The following CUX1 variants were observed in gnomAD, a reference collection of about 807,000 sequenced individuals.
CUX1 encodes cut like homeobox 1, also known as protein CASP.
CUX1 carries 31 observed loss-of-function variants against 158.8 expected under a neutral mutation model. The observed-to-expected ratio is 0.20, with a 90% CI of 0.15 to 0.26. The LOEUF is 0.26. Ranked by LOEUF, CUX1 falls within the 10% of genes least tolerant of loss-of-function variation. CUX1 has a pLI of 1.00. For missense variants in CUX1, 1,589 were observed against 2,014.6 expected, an observed-to-expected ratio of 0.79 and a Z score of 4.04; for synonymous variants, 879 against 862.1, an observed-to-expected ratio of 1.02 and a Z score of -0.34.
At chr7:102,219,404 C>G (rs1466635358) in intron 20 of CUX1, among the ~76,000 whole-genome samples, 1 of 152,080 alleles carries the variant, frequency 6.6e-6, no homozygotes, top group Non-Finnish European at 1.5e-5. Flanking sequence ...CCTACAGAAT[C>G]TTTCTCAGGT....
intron 8 of CUX1, among the ~76,000 whole-genome samples, chr7:102,128,427 G>A (rs907386664): frequency 6.6e-6 from 1 of 151,550 alleles, no homozygotes; most frequent in African/African-American, 2.4e-5. Context: ...GGAGGAGCTG[G>A]CCCTTTTGTC....
chr7:101,866,226 C>A (rs1157342974), intron 1 of CUX1, among the ~76,000 whole-genome samples: 1 of 152,038 alleles, frequency 6.6e-6, no homozygotes, highest in Non-Finnish European at 1.5e-5. Context: ...CTTTGGGAGG[C>A]TGAGGTGGGT....
rs367868651 is a variant in CUX1 at position 101,856,263 on chromosome 7, A to G, written c.30+38594A>G. On this transcript the variant is annotated intron_variant, in intron 1 of 23. Coordinates refer to ENST00000292535, the MANE Select transcript of CUX1 (RefSeq NM_181552.4). ...TGCTGGAAGTGTGCAGTAAAGCACA[A>G]GTTTTCAGCCATCAACGCAGGGAGC... 1.6e-4 allele frequency among the ~76,000 whole-genome samples: 25 copies of G among 152,176 alleles called. No individual in the cohort carries two copies. In the East Asian group the frequency reaches 4.2e-3, roughly 26 times the overall value.
At chr7:102,224,772 T>C (rs1268738887) in intron 20 of CUX1, among the ~76,000 whole-genome samples, 2 of 152,236 alleles carry the variant, frequency 1.3e-5, no homozygotes, top group African/African-American at 4.8e-5. Flanking sequence ...GTGGTGGCTC[T>C]GCCTCCGCCA....
At chr7:101,843,795 G>A (rs1346488354) in intron 1 of CUX1, among the ~76,000 whole-genome samples, 1 of 152,156 alleles carries the variant, frequency 6.6e-6, no homozygotes, top group Non-Finnish European at 1.5e-5. Context: ...CGGGTGTGCA[G>A]AATCAGCGTC....
At chr7:101,857,974 T>C (rs1797054385) in intron 1 of CUX1, among the ~76,000 whole-genome samples, 1 of 152,012 alleles carries the variant, frequency 6.6e-6, no homozygotes. Flanking sequence ...AATACAAAAA[T>C]TAGCCGAATG....
intron 2 of CUX1, among the ~76,000 whole-genome samples, chr7:101,962,214 A>T (rs780881577): frequency 5.9e-5 from 9 of 152,218 alleles, no homozygotes; most frequent in Non-Finnish European, 1.0e-4. Flanking sequence ...ACACAAATGT[A>T]TCGATTTCAT....
At position 102,239,504 on chromosome 7, in the gene CUX1, G is replaced by C; in HGVS notation, c.3807G>C (p.Pro1269=). ...GAGCGTATCAGCAAAAGCCATACCC[G>C]TCACCAAAAACCATCGAAGACCTCG... ...LKRAYQQKPY[P]SPKTIEDLAT... Residue 1269 remains proline (P), a synonymous_variant, in exon 23 of 24, where the codon CCG becomes CCC. Transcript: ENST00000292535. 6.2e-7 allele frequency: 1 copy of C among 1,614,148 alleles called. No homozygotes were observed. The highest frequency in any genetic ancestry group is 1.1e-5 in the South Asian group (1 of 91,090).
chr7:102,183,822 A>G (rs1215966637), intron 11 of CUX1, among the ~76,000 whole-genome samples: 2 of 152,178 alleles, frequency 1.3e-5, no homozygotes, highest in East Asian at 3.9e-4. Flanking sequence ...AGATATTGTC[A>G]CCTTGACCAC....
intron 2 of CUX1, chr7:101,959,292 A>T (rs1810169851): frequency 6.6e-6 from 1 of 151,588 alleles, no homozygotes; most frequent in African/African-American, 2.4e-5. Context: ...AGCGTGGCTA[A>T]GACAAGGGTA....
At position 102,242,502 on chromosome 7, in the gene CUX1, C is replaced by T. The variant is rs115980260; in HGVS notation, c.3887+2918C>T. On this transcript the variant is annotated intron_variant, in intron 23 of 23. Transcript: ENST00000292535. The stretch of plus-strand genomic sequence containing the variant: ...CTGGGATTACAGGCGTGAGCCACCA[C>T]GCCTAGATGCCATCTCTACTTTCTA... Among the ~76,000 whole-genome samples, 400 of 152,296 alleles carry T rather than the reference C, an allele frequency of 2.6e-3. 2 individuals are homozygous for T. Among genetic ancestry groups the T allele is most frequent in the African/African-American group, 9.2e-3 (382 of 41,560 alleles).
intron 2 of CUX1, among the ~76,000 whole-genome samples, chr7:101,940,398 G>A (rs577800091): frequency 2.6e-5 from 4 of 152,244 alleles, no homozygotes; most frequent in African/African-American, 9.6e-5. Flanking sequence ...GGGTGCCTGT[G>A]ATGGAGGGTA....
chr7:102,237,620 G>C (rs782008158), intron 22 of CUX1, among the ~76,000 whole-genome samples: 15 of 152,180 alleles, frequency 9.9e-5, no homozygotes, highest in Non-Finnish European at 1.3e-4. Flanking sequence ...ATCTCTTCTA[G>C]GCAACTTCCC....
intron 9 of CUX1, among the ~76,000 whole-genome samples, chr7:102,162,673 C>G (rs1790578216): frequency 6.6e-6 from 1 of 152,188 alleles, no homozygotes; most frequent in Non-Finnish European, 1.5e-5. Context: ...TGCCACCACA[C>G]CCAGCTAATT....
chr7:101,827,244 C>CCTTCTCTTCTCTTCTCTTCCCTTCT (rs1793415013), intron 1 of CUX1, among the ~76,000 whole-genome samples: 1 of 129,676 alleles, frequency 7.7e-6, no homozygotes, highest in Non-Finnish European at 1.6e-5. Context: ...CCCCTCCCCT[C>CCTTCTCTTCTCTTCTCTTCCCTTCT]CTTCTCTTCT....
In CUX1 at chr7:102,255,747, C is replaced by T. The variant is rs1789825403; in HGVS notation, c.*6705C>T. The T allele has an allele frequency of 1.0e-6, 1 of 985,402 alleles. No homozygotes were observed. The highest frequency in any genetic ancestry group is 1.2e-6 in the Non-Finnish European group (1 of 829,920). The allele number at this position is 985,402 out of a possible 1,614,324, so 61.0% of individuals were successfully genotyped here. ...GACTTCTGCTGGTGAAACAAGAGACCATTCAGCAAGACACATTGAAGTGGC... is the reference window on the plus strand; with the variant it reads ...GACTTCTGCTGGTGAAACAAGAGACTATTCAGCAAGACACATTGAAGTGGC... On this transcript the variant is annotated 3_prime_UTR_variant, in exon 24 of 24. Coordinates refer to ENST00000292535, the MANE Select transcript of CUX1 (RefSeq NM_181552.4).
chr7:101,862,646 T>A (rs1232627197), intron 1 of CUX1, among the ~76,000 whole-genome samples: 1 of 152,112 alleles, frequency 6.6e-6, no homozygotes, highest in African/African-American at 2.4e-5. Flanking sequence ...CTGACATAAT[T>A]TACATCGAGG....
chr7:101,924,741 A>G (rs567697590), intron 2 of CUX1, among the ~76,000 whole-genome samples: 1 of 145,410 alleles, frequency 6.9e-6, no homozygotes, highest in African/African-American at 2.6e-5. Flanking sequence ...ATTTTTTTTT[A>G]TTTTTTATTT....
At chr7:101,831,180 TC>T (rs1042913451) in intron 1 of CUX1, among the ~76,000 whole-genome samples, 2 of 152,142 alleles carry the variant, frequency 1.3e-5, no homozygotes, top group Admixed American at 1.3e-4. Context: ...TCCAAAGACT[TC>T]CTTAGGCTGT....
Sources: allele counts gnomAD v4.1 joint callset (sites outside exome capture counted in the v4.1 genomes callset), GRCh38; gene constraint gnomAD v4.1.1; transcripts MANE v1.5; gene names NCBI Gene and HGNC (gene_info 2026-07-23, HGNC 2026-07-21).